The following PRORP variants were observed in gnomAD, a reference collection of about 807,000 sequenced individuals.
PRORP encodes protein only RNase P catalytic subunit, also known as mitochondrial ribonuclease P catalytic subunit.
Under a neutral mutation model 59.4 loss-of-function variants are expected in PRORP, and 51 were observed. The observed-to-expected ratio is 0.86, with a 90% CI of 0.69 to 1.08. PRORP has a LOEUF of 1.08. Among genes scored for constraint, PRORP ranks in the 50% least tolerant of loss-of-function variants. The pLI is 0.00. For synonymous variants in PRORP, 231 were observed against 245.6 expected (o/e 0.94, Z 0.55); for missense variants, 646 against 690.3 (o/e 0.94, Z 0.72).
At chr14:35,209,856 T>G (rs543434333) in intron 5 of PRORP, among the ~76,000 whole-genome samples, 1 of 152,304 alleles carries the variant, frequency 6.6e-6, no homozygotes, top group East Asian at 1.9e-4. Context: ...TCTTGACATA[T>G]GTGCTCAGTT....
chr14:35,146,192 G>T (rs550394065), intron 4 of PRORP, among the ~76,000 whole-genome samples: 1 of 152,196 alleles, frequency 6.6e-6, no homozygotes, highest in South Asian at 2.1e-4. Flanking sequence ...CTGTGATTTA[G>T]AAGTTTTTAA....
At chr14:35,132,441 A>ATG (rs1377295474) in intron 4 of PRORP, among the ~76,000 whole-genome samples, 2 of 148,802 alleles carry the variant, frequency 1.3e-5, no homozygotes, top group African/African-American at 5.0e-5. Context: ...CTGGGCAACA[A>ATG]GAGCAAATCT....
chr14:35,190,763 T>A (rs1355804968), intron 5 of PRORP, among the ~76,000 whole-genome samples: 1 of 151,992 alleles, frequency 6.6e-6, no homozygotes, highest in Non-Finnish European at 1.5e-5. Context: ...TTGGCCTCCC[T>A]AAGTGCTGGG....
At chr14:35,158,870 C>G in intron 4 of PRORP, 1 of 305,318 alleles carries the variant, frequency 3.3e-6, no homozygotes, top group South Asian at 3.4e-5. Flanking sequence ...GAATGCAAAT[C>G]TATGAGGAAT....
intron 6 of PRORP, among the ~76,000 whole-genome samples, chr14:35,267,960 G>A (rs1333948419): frequency 6.6e-6 from 1 of 152,132 alleles, no homozygotes; most frequent in Non-Finnish European, 1.5e-5. Context: ...CAAGCAAGAG[G>A]CCTAGATTTT....
intron 4 of PRORP, among the ~76,000 whole-genome samples, chr14:35,179,110 G>A (rs55911753): frequency 0.18 from 28,085 of 152,182 alleles, 2,851 homozygotes; most frequent in Admixed American, 0.27. Flanking sequence ...CTAGAGATCC[G>A]CTGTTAGTCT....
chr14:35,131,030 G>C (rs1422891910), intron 4 of PRORP, among the ~76,000 whole-genome samples: 1 of 151,640 alleles, frequency 6.6e-6, no homozygotes, highest in African/African-American at 2.4e-5. Flanking sequence ...TGCAACCTCC[G>C]CCTCCTGGGT....
At chr14:35,218,120 G>C (rs1348324589) in intron 5 of PRORP, among the ~76,000 whole-genome samples, 1 of 152,004 alleles carries the variant, frequency 6.6e-6, no homozygotes, top group African/African-American at 2.4e-5. Context: ...TATCATTTCT[G>C]TAAGCCAGGA....
chr14:35,158,916 C>G (rs2047989621), intron 4 of PRORP: 1 of 307,850 alleles, frequency 3.2e-6, no homozygotes, highest in Non-Finnish European at 6.3e-6. Context: ...CTGGATTTCC[C>G]ACCACCGTAA....
intron 5 of PRORP, among the ~76,000 whole-genome samples, chr14:35,241,916 T>C (rs2050379057): frequency 6.6e-6 from 1 of 152,190 alleles, no homozygotes; most frequent in Non-Finnish European, 1.5e-5. Context: ...CATAGGCTTC[T>C]CTTTTCTCCT....
intron 5 of PRORP, among the ~76,000 whole-genome samples, chr14:35,239,528 C>T (rs2050307427): frequency 6.6e-6 from 1 of 152,134 alleles, no homozygotes; most frequent in Non-Finnish European, 1.5e-5. Flanking sequence ...AGGCAACGAG[C>T]TGGTGAAGAA....
chr14:35,189,866 T>C (rs776919789), intron 5 of PRORP, among the ~76,000 whole-genome samples: 18 of 152,160 alleles, frequency 1.2e-4, no homozygotes, highest in Admixed American at 3.3e-4. Context: ...ATTCCAGCAC[T>C]TTGGGAGGCT....
intron 5 of PRORP, among the ~76,000 whole-genome samples, chr14:35,232,905 C>A (rs1481981244): frequency 6.6e-6 from 1 of 152,086 alleles, no homozygotes; most frequent in Non-Finnish European, 1.5e-5. Context: ...GGTCTCCTGA[C>A]CTCATGATCT....
chr14:35,211,500 A>G (rs10134762), intron 5 of PRORP, among the ~76,000 whole-genome samples: 149,147 of 152,312 alleles, frequency 0.98, 73,090 homozygotes, highest in East Asian at 1. Context: ...CCAAGAAGAA[A>G]TATACGTATA....
chr14:35,207,303 T>C (rs902981233), intron 5 of PRORP, among the ~76,000 whole-genome samples: 4 of 152,236 alleles, frequency 2.6e-5, no homozygotes, highest in African/African-American at 9.6e-5. Context: ...GACCTTACAA[T>C]TCTGCTTTAT....
intron 4 of PRORP, among the ~76,000 whole-genome samples, chr14:35,155,797 A>G (rs2047900473): frequency 6.6e-6 from 1 of 152,052 alleles, no homozygotes; most frequent in African/African-American, 2.4e-5. Flanking sequence ...ACTATAGAGA[A>G]TGAAAGTCCC....
At chr14:35,185,419 T>C (rs2139058833) in intron 5 of PRORP, among the ~76,000 whole-genome samples, 1 of 152,308 alleles carries the variant, frequency 6.6e-6, no homozygotes, top group East Asian at 1.9e-4. Context: ...TAACTTTAAA[T>C]ATTTGCCAAA....
chr14:35,255,873 C>T (rs1285366701), intron 5 of PRORP, among the ~76,000 whole-genome samples: 1 of 152,060 alleles, frequency 6.6e-6, no homozygotes, highest in Admixed American at 6.5e-5. Flanking sequence ...CAGGCAATTT[C>T]AATGTATGGG....
At chr14:35,260,735 C>T (rs559961181) in intron 5 of PRORP, among the ~76,000 whole-genome samples, 10 of 152,336 alleles carry the variant, frequency 6.6e-5, no homozygotes, top group African/African-American at 2.2e-4. Flanking sequence ...TTCTTGCTTT[C>T]GCACCACCAT....
Sources: gnomAD v4.1 joint callset for allele counts (sites outside exome capture counted in the v4.1 genomes callset) on GRCh38, gnomAD v4.1.1 for gene constraint, MANE v1.5 for transcripts, NCBI Gene and HGNC (gene_info 2026-07-23, HGNC 2026-07-21) for gene names.